Variants in DAB1 observed in about 807,000 individuals in gnomAD.
The protein encoded by DAB1 is DAB adaptor protein 1.
A neutral mutation model predicts 64.6 loss-of-function variants in DAB1; 15 were observed. That is an observed-to-expected ratio of 0.23 (90% confidence interval 0.16 to 0.36). DAB1 has a LOEUF of 0.36. Among genes scored for constraint, DAB1 ranks in the 10% least tolerant of loss-of-function variants. The pLI is 1.00. For missense variants in DAB1, 596 were observed against 706.7 expected (o/e 0.84, Z 1.78); for synonymous variants, 235 against 251.9 (o/e 0.93, Z 0.64).
chr1:57,618,594 G>T (rs570617884), intron 7 of DAB1, among the ~76,000 whole-genome samples: 2 of 152,244 alleles, frequency 1.3e-5, no homozygotes, highest in Non-Finnish European at 2.9e-5. Context: ...TTAGACGGTG[G>T]ACAGGGGTGC....
chr1:57,342,600 T>C (rs895328221), intron 1 of DAB1, among the ~76,000 whole-genome samples: 1 of 152,184 alleles, frequency 6.6e-6, no homozygotes, highest in African/African-American at 2.4e-5. Flanking sequence ...CCAAAATTGG[T>C]GGGTTCTTGG....
intron 5 of DAB1, among the ~76,000 whole-genome samples, chr1:58,102,198 G>C (rs1416420847): frequency 1.3e-5 from 2 of 152,238 alleles, no homozygotes; most frequent in African/African-American, 4.8e-5. Context: ...GGGCTCCAAG[G>C]CCCTCGCTTT....
chr1:58,217,503 A>G (rs1658920631), intron 4 of DAB1, among the ~76,000 whole-genome samples: 1 of 152,106 alleles, frequency 6.6e-6, no homozygotes, highest in Admixed American at 6.5e-5. Context: ...ATTTTCCTAC[A>G]CTCAACCATT....
chr1:57,804,088 T>C (rs1426974743), intron 6 of DAB1, among the ~76,000 whole-genome samples: 1 of 152,170 alleles, frequency 6.6e-6, no homozygotes, highest in African/African-American at 2.4e-5. Context: ...TGGTTTGGAA[T>C]TGTGAGTTTG....
intron 2 of DAB1, among the ~76,000 whole-genome samples, chr1:58,522,676 A>G (rs111867097): frequency 0.027 from 4,078 of 152,286 alleles, 176 homozygotes; most frequent in African/African-American, 0.092. Flanking sequence ...AAACCTAACT[A>G]CTAATAGCCT....
At chr1:58,298,907 G>A (rs979324380) in intron 4 of DAB1, among the ~76,000 whole-genome samples, 1 of 152,156 alleles carries the variant, frequency 6.6e-6, no homozygotes, top group Non-Finnish European at 1.5e-5. Flanking sequence ...ATGTTACTAC[G>A]TCTATTTACC....
intron 5 of DAB1, among the ~76,000 whole-genome samples, chr1:57,982,238 G>A (rs1315158454): frequency 6.6e-6 from 1 of 152,148 alleles, no homozygotes; most frequent in Non-Finnish European, 1.5e-5. Context: ...CCATGTGCCA[G>A]GCATTGAGGA....
At chr1:57,110,935 T>A (rs1655603382) in intron 4 of DAB1, among the ~76,000 whole-genome samples, 1 of 151,998 alleles carries the variant, frequency 6.6e-6, no homozygotes, top group Non-Finnish European at 1.5e-5. Context: ...TTGATATTTA[T>A]ATATCAAGGC....
intron 14 of DAB1, among the ~76,000 whole-genome samples, chr1:57,009,373 T>C (rs1378272890): frequency 6.6e-6 from 1 of 152,234 alleles, no homozygotes. Flanking sequence ...TGGTTTTGCA[T>C]GGCATGACAT....
intron 4 of DAB1, among the ~76,000 whole-genome samples, chr1:58,300,649 G>GA (rs1557726360): frequency 2.0e-4 from 10 of 49,316 alleles, no homozygotes; most frequent in Non-Finnish European, 2.1e-4. Flanking sequence ...AGAGAGAGAG[G>GA]AAGGAAGGAA....
chr1:57,966,039 C>T (rs974194020), intron 5 of DAB1, among the ~76,000 whole-genome samples: 5 of 152,016 alleles, frequency 3.3e-5, no homozygotes, highest in African/African-American at 1.2e-4. Context: ...AAATGATCTT[C>T]AATAATTGTT....
At chr1:57,320,009 G>C (rs1675566228) in intron 1 of DAB1, among the ~76,000 whole-genome samples, 1 of 152,166 alleles carries the variant, frequency 6.6e-6, no homozygotes, top group Non-Finnish European at 1.5e-5. Context: ...TAACAACTTT[G>C]AACTATTGCA....
intron 4 of DAB1, among the ~76,000 whole-genome samples, chr1:57,119,383 C>A (rs1006273513): frequency 1.2e-4 from 18 of 152,066 alleles, no homozygotes; most frequent in Admixed American, 6.6e-5. Flanking sequence ...TAGTGTCTTT[C>A]CCCCCTCCTC....
At chr1:57,205,603 T>C (rs751579618) in intron 2 of DAB1, among the ~76,000 whole-genome samples, 1 of 152,236 alleles carries the variant, frequency 6.6e-6, no homozygotes, top group Non-Finnish European at 1.5e-5. Flanking sequence ...GATGCATAAA[T>C]ACATCATCTC....
chr1:57,338,120 G>C (rs896187460), intron 1 of DAB1, among the ~76,000 whole-genome samples: 4 of 151,972 alleles, frequency 2.6e-5, no homozygotes, highest in Non-Finnish European at 5.9e-5. Flanking sequence ...GAGTAGCTGG[G>C]ACTATAGGCA....
intron 4 of DAB1, among the ~76,000 whole-genome samples, chr1:58,216,271 C>T (rs1420709169): frequency 2.6e-5 from 4 of 152,022 alleles, no homozygotes; most frequent in East Asian, 1.9e-4. Flanking sequence ...TGAGTGAGAA[C>T]ACGTGGTGTT....
intron 6 of DAB1, among the ~76,000 whole-genome samples, chr1:57,713,641 A>G (rs1388747196): frequency 6.6e-6 from 1 of 152,202 alleles, no homozygotes; most frequent in Non-Finnish European, 1.5e-5. Flanking sequence ...GAATACTACA[A>G]ATCCCATCAA....
chr1:57,292,094 A>C (rs1388455039), intron 1 of DAB1, among the ~76,000 whole-genome samples: 1 of 152,224 alleles, frequency 6.6e-6, no homozygotes, highest in East Asian at 1.9e-4. Context: ...ATTAAGAAAA[A>C]GCTATTAGAA....
At chr1:57,928,373 C>T (rs1644909025) in intron 5 of DAB1, among the ~76,000 whole-genome samples, 1 of 152,062 alleles carries the variant, frequency 6.6e-6, no homozygotes, top group Non-Finnish European at 1.5e-5. Flanking sequence ...CACCCCCATA[C>T]ATGTATAGCC....
Sources: gnomAD v4.1 joint callset for allele counts (sites outside exome capture counted in the v4.1 genomes callset) on GRCh38, gnomAD v4.1.1 for gene constraint, MANE v1.5 for transcripts, NCBI Gene and HGNC (gene_info 2026-07-23, HGNC 2026-07-21) for gene names.